CDH23: variants seen among roughly 807,000 people sequenced by gnomAD.
CDH23 encodes cadherin related 23.
A neutral mutation model predicts 317.1 loss-of-function variants in CDH23; 189 were observed. The observed-to-expected ratio is 0.60, with a 90% CI of 0.53 to 0.67. The LOEUF (loss-of-function observed/expected upper bound fraction) is 0.67. Ranked by LOEUF, CDH23 falls within the 30% of genes least tolerant of loss-of-function variation. The probability of loss-of-function intolerance (pLI) is 0.00; values close to 1 mark genes in which losing one functional copy is unlikely to be tolerated. For missense variants in CDH23, 4,401 were observed against 4,592.4 expected (o/e 0.96, Z 1.20); for synonymous variants, 1,839 against 1,876.8 (o/e 0.98, Z 0.52).
At chr10:71,456,317 G>A (rs998490057) in intron 3 of CDH23, among the ~76,000 whole-genome samples, 1 of 151,832 alleles carries the variant, frequency 6.6e-6, no homozygotes, top group Non-Finnish European at 1.5e-5. Flanking sequence ...GTTGGGGGAT[G>A]ACTGACAGAA....
chr10:71,790,643 G>A (rs889180019), intron 46 of CDH23: 26 of 579,656 alleles, frequency 4.5e-5, no homozygotes, highest in Middle Eastern at 4.7e-4. Flanking sequence ...GTTGGTGCAC[G>A]AACTCTCAGC....
At chr10:71,770,116 G>A (rs866893946) in intron 38 of CDH23, among the ~76,000 whole-genome samples, 1 of 152,196 alleles carries the variant, frequency 6.6e-6, no homozygotes, top group Non-Finnish European at 1.5e-5. Flanking sequence ...GCCTTCCCAG[G>A]CCCTGGGCAC....
At position 71,643,851 on chromosome 10, in the gene CDH23, C is replaced by G. The variant is rs749236786; in HGVS notation, c.1135-10C>G. 1.3e-5 allele frequency: 10 copies of G among 766,066 alleles called. No homozygotes were observed. The Admixed American group carries it at 1.7e-4, about 13-fold the overall frequency. 47.5% of individuals were successfully genotyped at this position (766,066 alleles called of 1,614,324 possible). Reference sequence around the variant, plus strand: ...TCCATATCCTTTGACTGACCGACTCCCATTGACAGAATTTGGTAAGTGAGC... The same window carrying G: ...TCCATATCCTTTGACTGACCGACTCGCATTGACAGAATTTGGTAAGTGAGC... On this transcript the variant is annotated splice_polypyrimidine_tract_variant and intron_variant, in intron 11 of 69. Transcript: ENST00000224721.
intron 38 of CDH23, among the ~76,000 whole-genome samples, chr10:71,768,272 G>A (rs1287984048): frequency 6.6e-6 from 1 of 152,144 alleles, no homozygotes; most frequent in African/African-American, 2.4e-5. Context: ...CCAGGTTGAA[G>A]CAACTCTCCT....
rs773132619 is a variant in CDH23, at chr10:71,702,573, C to T, written c.2612C>T (p.Thr871Ile). ...GGTGGCAGGCCCCCTCTGAAAGCCA[C>T]CAGCAGTGCCACAGTGTTTGTGAAC... ...TDCGRPPLKA[T>I]SSATVFVNLL... is the part of the protein sequence containing the mutation. The change falls in exon 24 of 70, where the codon ACC (threonine) becomes ATC (isoleucine). Residue 871 changes from threonine (T) to isoleucine (I), a missense_variant. Physicochemically the swap from Thr to Ile is moderately conservative, Grantham distance 89. This residue lies in a region of CDH23 where 3,068 missense variants were observed against 3,203.3 expected (regional missense o/e 0.96). Coordinates refer to ENST00000224721, the MANE Select transcript of CDH23 (RefSeq NM_022124.6). 6.2e-7 allele frequency: 1 copy of T among 1,613,890 alleles called. No individual in the cohort carries two copies. The highest frequency in any genetic ancestry group is 1.3e-5 in the African/African-American group (1 of 74,948).
At chr10:71,651,321 G>C (rs979479400) in intron 14 of CDH23, among the ~76,000 whole-genome samples, 1 of 150,150 alleles carries the variant, frequency 6.7e-6, no homozygotes, top group Admixed American at 6.6e-5. Flanking sequence ...CTTGCGCCTA[G>C]GAGTTCAAGA....
chr10:71,563,117 G>T (rs919713919), intron 6 of CDH23, among the ~76,000 whole-genome samples: 3 of 152,116 alleles, frequency 2.0e-5, no homozygotes, highest in African/African-American at 7.2e-5. Context: ...GGGGTGGAAA[G>T]AGCACTCCGT....
At chr10:71,793,891 A>G (rs1226492942) in intron 48 of CDH23, among the ~76,000 whole-genome samples, 1 of 152,150 alleles carries the variant, frequency 6.6e-6, no homozygotes, top group Non-Finnish European at 1.5e-5. Flanking sequence ...CTACCAGTGT[A>G]TGAGAGCACC....
In CDH23 at chr10:71,702,137, C is replaced by T. The variant is rs968474232; in HGVS notation, c.2513C>T (p.Ala838Val). Residue 838 changes from alanine to valine, a missense_variant, in exon 23 of 70, where the codon GCC becomes GTC. Ala to Val is a moderately conservative substitution (Grantham distance 64). Coordinates refer to ENST00000224721, the MANE Select transcript of CDH23 (RefSeq NM_022124.6). The stretch of plus-strand genomic sequence containing the variant: ...ACGGGCAAGATCCGCACCACCCACG[C>T]CATGCTGGACCGGGAGAACCCCGAC... ...STTGKIRTTH[A>V]MLDRENPDPH... The T allele has an allele frequency of 6.2e-7, 1 of 1,613,994 alleles. No homozygotes were observed. Among genetic ancestry groups the T allele is most frequent in the Non-Finnish European group, 8.5e-7 (1 of 1,179,892 alleles).
chr10:71,494,602 T>C (rs1852852993), intron 3 of CDH23, among the ~76,000 whole-genome samples: 1 of 152,144 alleles, frequency 6.6e-6, no homozygotes, highest in African/African-American at 2.4e-5. Flanking sequence ...TAACAGAGTG[T>C]CTCCCATACG....
At chr10:71,402,909 G>A (rs1174827905) in intron 1 of CDH23, among the ~76,000 whole-genome samples, 1 of 152,142 alleles carries the variant, frequency 6.6e-6, no homozygotes, top group Admixed American at 6.5e-5. Context: ...GAGGTCAGCA[G>A]ATCGAGACCA....
chr10:71,653,440 T>A (rs1564711893), intron 14 of CDH23, among the ~76,000 whole-genome samples: 1 of 152,222 alleles, frequency 6.6e-6, no homozygotes. Context: ...TGTCCCTCCA[T>A]GCTGCTGAAT....
At chr10:71,784,130 C>T (rs1841032033) in intron 41 of CDH23, among the ~76,000 whole-genome samples, 157 bp from the exon 42 acceptor site, 1 of 152,218 alleles carries the variant, frequency 6.6e-6, no homozygotes, top group Admixed American at 6.5e-5. Context: ...TTGCAGATCT[C>T]ATGAGGATCT....
chr10:71,697,132 G>A (rs185603696), intron 22 of CDH23, among the ~76,000 whole-genome samples: 64 of 152,332 alleles, frequency 4.2e-4, no homozygotes, highest in African/African-American at 1.4e-3. Flanking sequence ...TAGTACACCC[G>A]GCAGACAAGG....
At position 71,633,508 on chromosome 10, in the gene CDH23, C is replaced by T. The variant is rs74145229; in HGVS notation, c.1135-10353C>T. Among the ~76,000 whole-genome samples, 435 of 152,296 alleles carry T rather than the reference C, an allele frequency of 2.9e-3. 1 individual carries two copies. Among genetic ancestry groups the T allele is most frequent in the African/African-American group, 8.3e-3 (345 of 41,542 alleles). ...TGCCTGGGGGCAGCTGAGTGACACACAGGACTGTCACCAGGGATGGTCACC... is the reference window on the plus strand; with the variant it reads ...TGCCTGGGGGCAGCTGAGTGACACATAGGACTGTCACCAGGGATGGTCACC... On this transcript the variant is annotated intron_variant, in intron 11 of 69. Transcript: ENST00000224721.
At chr10:71,416,300 CA>C (rs1848531042) in intron 1 of CDH23, among the ~76,000 whole-genome samples, 1 of 152,190 alleles carries the variant, frequency 6.6e-6, no homozygotes, top group Admixed American at 6.5e-5. Flanking sequence ...GCTGGGATTA[CA>C]GGCATAAGCC....
At chr10:71,481,063 G>T (rs1164692528) in intron 3 of CDH23, among the ~76,000 whole-genome samples, 1 of 152,164 alleles carries the variant, frequency 6.6e-6, no homozygotes, top group African/African-American at 2.4e-5. Flanking sequence ...TTGGGGTGGG[G>T]TTGAGGTTGG....
At chr10:71,489,324 T>A (rs571477445) in intron 3 of CDH23, among the ~76,000 whole-genome samples, 1 of 152,186 alleles carries the variant, frequency 6.6e-6, no homozygotes. Context: ...ACCTTTCAAT[T>A]CACTAATTCT....
At chr10:71,402,062 T>C (rs1008282017) in intron 1 of CDH23, among the ~76,000 whole-genome samples, 2 of 152,220 alleles carry the variant, frequency 1.3e-5, no homozygotes, top group Admixed American at 1.3e-4. Flanking sequence ...AGTGTGAAAG[T>C]TGATCAGGAT....
Sources: allele counts gnomAD v4.1 joint callset (sites outside exome capture counted in the v4.1 genomes callset), GRCh38; gene constraint gnomAD v4.1.1; regional missense constraint gnomAD v4.1.1; transcripts MANE v1.5; gene names NCBI Gene and HGNC (gene_info 2026-07-23, HGNC 2026-07-21).